Variants in CORIN observed in about 807,000 individuals in gnomAD.
The protein encoded by CORIN is atrial natriuretic peptide-converting enzyme.
In CORIN, 117 loss-of-function variants were observed where a neutral mutation model predicts 125.3. The ratio of observed to expected loss-of-function variants is 0.93; its 90% CI spans 0.80 to 1.09. The LOEUF (loss-of-function observed/expected upper bound fraction) is 1.09. Among genes scored for constraint, CORIN ranks in the 50% least tolerant of loss-of-function variants. The probability of loss-of-function intolerance (pLI) is 0.00; values close to 1 mark genes in which losing one functional copy is unlikely to be tolerated. For missense variants in CORIN, 1,253 were observed against 1,306.7 expected, an observed-to-expected ratio of 0.96 and a Z score of 0.63; for synonymous variants, 450 against 466.4, an observed-to-expected ratio of 0.96 and a Z score of 0.45.
At chr4:47,737,321 C>T (rs756587543) in intron 5 of CORIN, among the ~76,000 whole-genome samples, 2 of 152,216 alleles carry the variant, frequency 1.3e-5, no homozygotes, top group Non-Finnish European at 2.9e-5. Flanking sequence ...CATATACGAT[C>T]TGGCCATATA....
intron 5 of CORIN, among the ~76,000 whole-genome samples, chr4:47,708,946 G>A (rs1159225056): frequency 6.6e-6 from 1 of 152,178 alleles, no homozygotes; most frequent in Non-Finnish European, 1.5e-5. Flanking sequence ...TCAGGCCTTG[G>A]TTCAACCAAG....
At chr4:47,624,268 TC>T (rs1476959831) in intron 17 of CORIN, among the ~76,000 whole-genome samples, 1 of 152,194 alleles carries the variant, frequency 6.6e-6, no homozygotes, top group Non-Finnish European at 1.5e-5. Context: ...ATTTCCCACA[TC>T]ATTTTGGCTG....
chr4:47,750,215 G>A (rs1357622904), intron 4 of CORIN, among the ~76,000 whole-genome samples: 2 of 152,188 alleles, frequency 1.3e-5, no homozygotes, highest in African/African-American at 4.8e-5. Flanking sequence ...GCTTAGCGGG[G>A]TATGAGAAGC....
chr4:47,683,765 A>G lies in CORIN; in HGVS notation c.987T>C (p.Asp329=). 1.2e-6 allele frequency: 2 copies of G among 1,613,822 alleles called. No homozygotes were observed. The highest frequency in any genetic ancestry group is 1.3e-5 in the African/African-American group (1 of 75,042). ...GCTCATCACTCAAATCCCCACAGTCATCATATCCATCACACACAAGGCTGT... is the reference window on the plus strand; with the variant it reads ...GCTCATCACTCAAATCCCCACAGTCGTCATATCCATCACACACAAGGCTGT... ...LNYSLVCDGY[D]DCGDLSDEQN... Residue 329 remains aspartate (D), a synonymous_variant, in exon 7 of 22, where the codon GAT becomes GAC. Coordinates refer to ENST00000273857, the MANE Select transcript of CORIN (RefSeq NM_006587.4).
intron 1 of CORIN, 100 bp downstream of exon 1, chr4:47,837,787 C>G: frequency 9.6e-7 from 1 of 1,036,670 alleles, no homozygotes; most frequent in Non-Finnish European, 1.5e-6. Flanking sequence ...TGGCATCGGG[C>G]GGAGGAGAGG....
At chr4:47,642,287 A>G (rs913130723) in intron 15 of CORIN, among the ~76,000 whole-genome samples, 1 of 152,244 alleles carries the variant, frequency 6.6e-6, no homozygotes, top group African/African-American at 2.4e-5. Flanking sequence ...TGAAAGAGAC[A>G]GGCAGTTCTT....
chr4:47,729,121 A>C (rs191432606), intron 5 of CORIN, among the ~76,000 whole-genome samples: 17 of 152,376 alleles, frequency 1.1e-4, no homozygotes, highest in Admixed American at 1.1e-3. Context: ...AGCAAAGTCA[A>C]AACAAGCCTG....
chr4:47,800,377 G>A (rs1458405715), intron 2 of CORIN, among the ~76,000 whole-genome samples: 1 of 152,068 alleles, frequency 6.6e-6, no homozygotes, highest in Non-Finnish European at 1.5e-5. Flanking sequence ...GTACTTAAAT[G>A]TACTTACATT....
chr4:47,666,469 A>G (rs956218893), intron 10 of CORIN, among the ~76,000 whole-genome samples: 2 of 152,206 alleles, frequency 1.3e-5, no homozygotes, highest in Non-Finnish European at 2.9e-5. Flanking sequence ...GATAGGAAAA[A>G]GGATGCACGC....
At chr4:47,663,930 A>G (rs113540201) in intron 11 of CORIN, among the ~76,000 whole-genome samples, 6 of 152,208 alleles carry the variant, frequency 3.9e-5, no homozygotes, top group African/African-American at 1.4e-4. Context: ...GTCATTTTGA[A>G]ATTTTATTAT....
chr4:47,696,154 C>T (rs1351938999), intron 5 of CORIN, among the ~76,000 whole-genome samples: 2 of 151,974 alleles, frequency 1.3e-5, no homozygotes, highest in African/African-American at 2.4e-5. Flanking sequence ...TTTTGAACAC[C>T]CTGAGAGAGC....
chr4:47,704,726 T>A lies in CORIN; in HGVS notation c.800-11643A>T, dbSNP rs531456769. Among the ~76,000 whole-genome samples the A allele has an allele frequency of 1.1e-4, 16 of 152,260 alleles. No homozygotes were observed. In the South Asian group the frequency reaches 3.3e-3, roughly 32 times the overall value. ...GTCTCCTCTAAAAACACGCTATCGATCAACTGAATATGCTTAACCCCGAGA... is the reference window on the plus strand; with the variant it reads ...GTCTCCTCTAAAAACACGCTATCGAACAACTGAATATGCTTAACCCCGAGA... On this transcript the variant is annotated intron_variant, in intron 5 of 21. Transcript: ENST00000273857.
In CORIN at chr4:47,763,389, C is replaced by A; in HGVS notation, c.607G>T (p.Gly203Cys). ...TLAFPECIID[G>C]DDSHGLLPCR... ...TGGGTTCCGAAATACCTGTCATCGC[C>A]ATCAATGATGCACTCAGGGAAGGCG... Residue 203 changes from glycine to cysteine, a missense_variant, in exon 4 of 22, where the codon GGC (glycine) becomes TGC (cysteine). Gly to Cys is a radical substitution (Grantham distance 159, BLOSUM62 -3). Transcript: ENST00000273857. The A allele has an allele frequency of 6.2e-7, 1 of 1,613,478 alleles. No homozygotes were observed. The highest frequency in any genetic ancestry group is 8.5e-7 in the Non-Finnish European group (1 of 1,179,624).
intron 1 of CORIN, among the ~76,000 whole-genome samples, chr4:47,835,244 T>C (rs1733330275): frequency 6.6e-6 from 1 of 152,214 alleles, no homozygotes. Flanking sequence ...GCCAGCCTCA[T>C]TTTCCATTTG....
At chr4:47,766,264 T>C (rs959495933) in intron 3 of CORIN, among the ~76,000 whole-genome samples, 1 of 152,222 alleles carries the variant, frequency 6.6e-6, no homozygotes, top group Non-Finnish European at 1.5e-5. Flanking sequence ...AAAGTCTAGA[T>C]GAGTGGTCTA....
In CORIN at chr4:47,806,982, G is replaced by T. The variant is rs1731822505; in HGVS notation, c.129C>A (p.Leu43=). 1 of 1,613,884 alleles carries T rather than the reference G, an allele frequency of 6.2e-7. No homozygotes were observed. The highest frequency in any genetic ancestry group is 1.7e-5 in the Admixed American group (1 of 60,000). The part of the protein sequence containing the change: ...GCSQKLATAN[L]LRFLLLVLIP... The stretch of plus-strand genomic sequence containing the variant: ...TCAGGACCAGCAATAGGAACCGGAG[G>T]AGGTTAGCAGTCGCCAGCTTCTGAG... Residue 43 remains leucine (L), a synonymous_variant, in exon 2 of 22, where the codon CTC becomes CTA. Transcript: ENST00000273857.
chr4:47,829,072 A>G (rs113615502), intron 1 of CORIN, among the ~76,000 whole-genome samples: 86 of 141,864 alleles, frequency 6.1e-4, no homozygotes, highest in African/African-American at 1.5e-3. Context: ...GCAGGAGAAT[A>G]GCGTGAACCC....
chr4:47,753,978 T>C (rs1191287712), intron 4 of CORIN, among the ~76,000 whole-genome samples: 1 of 152,192 alleles, frequency 6.6e-6, no homozygotes, highest in Non-Finnish European at 1.5e-5. Context: ...AGCTGGTCCC[T>C]CCATTCAGGG....
intron 3 of CORIN, among the ~76,000 whole-genome samples, chr4:47,777,585 C>A (rs1337087267): frequency 6.6e-6 from 1 of 152,100 alleles, no homozygotes; most frequent in Non-Finnish European, 1.5e-5. Context: ...GTGCCAAGAT[C>A]GCGCCATTGC....
Sources: gnomAD v4.1 joint callset for allele counts (sites outside exome capture counted in the v4.1 genomes callset) on GRCh38, gnomAD v4.1.1 for gene constraint, MANE v1.5 for transcripts, NCBI Gene and HGNC (gene_info 2026-07-23, HGNC 2026-07-21) for gene names.